Variants in ZNF608 observed in about 807,000 individuals in gnomAD.
ZNF608 encodes the protein zinc finger protein 608.
Under a neutral mutation model 109.0 loss-of-function variants are expected in ZNF608, and 12 were observed. That is an observed-to-expected ratio of 0.11 (90% confidence interval 0.07 to 0.18). The LOEUF (loss-of-function observed/expected upper bound fraction) is 0.18, where lower values mean the gene tolerates loss of function less well. ZNF608 is among the 10% of genes least tolerant of loss of function. ZNF608 has a pLI of 1.00. For synonymous variants in ZNF608, 732 were observed against 717.4 expected (o/e 1.02, Z -0.33); for missense variants, 1,707 against 1,879.3 (o/e 0.91, Z 1.70).
Position 124,721,941 on chromosome 5 carries a change from CAAAAAAAAAA to C in ZNF608, c.907-20682_907-20673del, listed in dbSNP as rs199699487. ...TGGGCGACAGAATGAGACTCTGTCT[CAAAAAAAAAA>C]AAAAAAAAAAAAAAAAAAAAAGAAC... is the stretch of plus-strand genomic sequence containing the variant. On this transcript the variant is annotated intron_variant, in intron 2 of 9. Transcript: ENST00000513986. Among the ~76,000 whole-genome samples the C allele has an allele frequency of 2.1e-3, 43 of 20,812 alleles. 1 individual carries two copies. Among genetic ancestry groups the C allele is most frequent in the Non-Finnish European group, 2.5e-3 (28 of 11,088 alleles). 13.7% of individuals were successfully genotyped at this position (20,812 alleles called of 152,430 possible). A position where few individuals can be genotyped will look rare whatever the true frequency, so the allele number is the denominator to read the frequency against.
At chr5:124,656,810 ACACACACACACAC>A in intron 3 of ZNF608, among the ~76,000 whole-genome samples, 1 of 89,224 alleles carries the variant, frequency 1.1e-5, no homozygotes, top group East Asian at 9.7e-4. Context: ...ACACACACAC[ACACACACACACAC>A]ACACACACAC....
At chr5:124,738,815 G>T (rs1322551410) in intron 2 of ZNF608, among the ~76,000 whole-genome samples, 3 of 151,896 alleles carry the variant, frequency 2.0e-5, no homozygotes, top group Non-Finnish European at 4.4e-5. Flanking sequence ...GACAAAGAAG[G>T]ATCTCAACTG....
At chr5:124,684,801 T>C (rs1286883219) in intron 3 of ZNF608, among the ~76,000 whole-genome samples, 1 of 152,230 alleles carries the variant, frequency 6.6e-6, no homozygotes, top group African/African-American at 2.4e-5. Flanking sequence ...CATTTTGTTT[T>C]AATTCGGTTT....
At chr5:124,705,384 C>CTCAG (rs1195917900) in intron 2 of ZNF608, among the ~76,000 whole-genome samples, 2 of 152,180 alleles carry the variant, frequency 1.3e-5, no homozygotes, top group Admixed American at 1.3e-4. Flanking sequence ...TTCTCTAAGA[C>CTCAG]TCAGTGTCTA....
intron 2 of ZNF608, among the ~76,000 whole-genome samples, chr5:124,702,635 TAC>T (rs938413142): frequency 6.6e-6 from 1 of 152,212 alleles, no homozygotes; most frequent in Non-Finnish European, 1.5e-5. Context: ...GAACTATTTC[TAC>T]AGTTTGCATT....
At chr5:124,694,397 T>C (rs958510588) in intron 3 of ZNF608, among the ~76,000 whole-genome samples, 6 of 151,962 alleles carry the variant, frequency 3.9e-5, no homozygotes, top group African/African-American at 1.5e-4. Flanking sequence ...ATCAATGTAC[T>C]CAGAATAGAG....
At chr5:124,703,815 A>C (rs191014388) in intron 2 of ZNF608, among the ~76,000 whole-genome samples, 1 of 152,264 alleles carries the variant, frequency 6.6e-6, no homozygotes, top group African/African-American at 2.4e-5. Flanking sequence ...TCAGCCGCCT[A>C]ATATTGATGA....
upstream of ZNF608, among the ~76,000 whole-genome samples, chr5:124,748,004 C>A (rs1016060418): frequency 9.2e-5 from 14 of 152,032 alleles, no homozygotes; most frequent in African/African-American, 3.4e-4. Flanking sequence ...TTTATTTTTT[C>A]TCTTAATGGT....
At chr5:124,743,082 A>G (rs1314083453) in intron 2 of ZNF608, among the ~76,000 whole-genome samples, 2 of 152,200 alleles carry the variant, frequency 1.3e-5, no homozygotes, top group African/African-American at 4.8e-5. Flanking sequence ...AATGTGGTCT[A>G]TGACTAAGCA....
At position 124,647,715 on chromosome 5, in the gene ZNF608, G is replaced by T; in HGVS notation, c.2669C>A (p.Thr890Lys). Residue 890 changes from threonine (T) to lysine (K), a missense_variant, in exon 5 of 10, where the codon ACA (threonine) becomes AAA (lysine). Transcript: ENST00000513986. ...TATGGAAGGGCTGGGAGCGTTGTCT[G>T]TGAAAGTGTAAACCTTATCGGCCTC... ...KAEADKVYTF[T>K]DNAPSPSIGS... 1 of 1,614,192 alleles carries T rather than the reference G, an allele frequency of 6.2e-7. No homozygotes were observed. Among genetic ancestry groups the T allele is most frequent in the South Asian group, 1.1e-5 (1 of 91,074 alleles).
chr5:124,643,037 G>A (rs749888250), intron 7 of ZNF608, among the ~76,000 whole-genome samples: 2 of 152,030 alleles, frequency 1.3e-5, no homozygotes, highest in Non-Finnish European at 2.9e-5. Flanking sequence ...ATCTGAACTT[G>A]CATGTAAAAT....
At chr5:124,736,133 G>A (rs924330949) in intron 2 of ZNF608, among the ~76,000 whole-genome samples, 4 of 151,904 alleles carry the variant, frequency 2.6e-5, no homozygotes, top group Non-Finnish European at 4.4e-5. Context: ...CCCCTTCGTT[G>A]CAAAGATTCA....
At chr5:124,638,876 G>T (rs568518624) in intron 9 of ZNF608, 69 of 1,029,866 alleles carry the variant, frequency 6.7e-5, no homozygotes, top group Non-Finnish European at 8.0e-5. Context: ...TAGAAATGCC[G>T]TAAGGATAAC....
chr5:124,667,594 C>T (rs1751531129), intron 3 of ZNF608, among the ~76,000 whole-genome samples: 1 of 152,218 alleles, frequency 6.6e-6, no homozygotes, highest in Non-Finnish European at 1.5e-5. Flanking sequence ...ATGACAGACA[C>T]CCCTGTCTCT....
intron 3 of ZNF608, among the ~76,000 whole-genome samples, chr5:124,671,641 C>CTT (rs66998925): frequency 0.12 from 15,297 of 129,662 alleles, 1,726 homozygotes; most frequent in African/African-American, 0.29. Flanking sequence ...TGGGGCTTCT[C>CTT]TTTTTTTTTT....
rs1754076179 is a variant in ZNF608, at chr5:124,724,863, C to T, written c.906+19221G>A. ...CCAGAGGTTAAGCTTAGGATCAGTT[C>T]CCACACACTGAGATACGTTTAGAAC... is the stretch of plus-strand genomic sequence containing the variant. On this transcript the variant is annotated intron_variant, in intron 2 of 9. Transcript: ENST00000513986. Among the ~76,000 whole-genome samples, 4 of 152,124 alleles carry T rather than the reference C, an allele frequency of 2.6e-5. No individual in the cohort carries two copies. In the South Asian group the frequency reaches 8.3e-4, roughly 32 times the overall value.
intron 5 of ZNF608, 114 bp from the exon 6 acceptor site, chr5:124,644,775 A>T: frequency 1.1e-6 from 1 of 891,834 alleles, no homozygotes. Context: ...TTTAATGCTA[A>T]GTTGACATTT....
intron 3 of ZNF608, among the ~76,000 whole-genome samples, chr5:124,693,381 C>G (rs1298448983): frequency 6.6e-6 from 1 of 152,132 alleles, no homozygotes; most frequent in Non-Finnish European, 1.5e-5. Context: ...AAAAGCAGAA[C>G]AATACCACAT....
intron 3 of ZNF608, among the ~76,000 whole-genome samples, chr5:124,682,535 A>G (rs1752240938): frequency 6.6e-6 from 1 of 152,246 alleles, no homozygotes; most frequent in Non-Finnish European, 1.5e-5. Context: ...AGCTATGAAT[A>G]ATGCCTAAGC....
Sources: gnomAD v4.1 joint callset for allele counts (sites outside exome capture counted in the v4.1 genomes callset) on GRCh38, gnomAD v4.1.1 for gene constraint, MANE v1.5 for transcripts, NCBI Gene and HGNC (gene_info 2026-07-23, HGNC 2026-07-21) for gene names.